The following ROBO2 variants were observed in gnomAD, a reference collection of about 807,000 sequenced individuals.
The protein encoded by ROBO2 is roundabout homolog 2.
Under a neutral mutation model 160.8 loss-of-function variants are expected in ROBO2, and 53 were observed. The ratio of observed to expected loss-of-function variants is 0.33; its 90% confidence interval spans 0.26 to 0.41. The LOEUF is 0.41. Among genes scored for constraint, ROBO2 ranks in the 10% least tolerant of loss-of-function variants. The pLI is 1.00. For missense variants in ROBO2, 1,577 were observed against 1,722.4 expected, an observed-to-expected ratio of 0.92 and a Z score of 1.49; for synonymous variants, 664 against 611.7, an observed-to-expected ratio of 1.09 and a Z score of -1.26.
At chr3:76,031,139 G>A (rs1321248558) in intron 2 of ROBO2, among the ~76,000 whole-genome samples, 2 of 152,076 alleles carry the variant, frequency 1.3e-5, no homozygotes, top group Admixed American at 1.3e-4. Context: ...GTTGTGAATG[G>A]GAGTTCCCTC....
At chr3:76,614,360 G>A (rs1330645292) in intron 2 of ROBO2, among the ~76,000 whole-genome samples, 1 of 152,020 alleles carries the variant, frequency 6.6e-6, no homozygotes, top group Non-Finnish European at 1.5e-5. Flanking sequence ...GATTTATGAT[G>A]CTAATAAAAG....
intron 2 of ROBO2, among the ~76,000 whole-genome samples, chr3:75,958,720 G>A: frequency 6.6e-6 from 1 of 151,552 alleles, no homozygotes; most frequent in Non-Finnish European, 1.5e-5. Context: ...AAGCAGAAAG[G>A]CAATGATATA....
At chr3:77,284,610 T>C (rs1010991237) in intron 2 of ROBO2, among the ~76,000 whole-genome samples, 5 of 152,074 alleles carry the variant, frequency 3.3e-5, no homozygotes, top group African/African-American at 1.2e-4. Flanking sequence ...ATAAAGTGGG[T>C]AGCATGGTTT....
intron 2 of ROBO2, among the ~76,000 whole-genome samples, chr3:76,574,311 T>C (rs1460229277): frequency 6.6e-6 from 1 of 152,058 alleles, no homozygotes; most frequent in Non-Finnish European, 1.5e-5. Flanking sequence ...GATAACCACA[T>C]AAATTTATAA....
intron 2 of ROBO2, among the ~76,000 whole-genome samples, chr3:77,448,620 C>T (rs963394089): frequency 1.3e-5 from 2 of 151,654 alleles, no homozygotes; most frequent in Admixed American, 6.6e-5. Flanking sequence ...TATTAGTCTG[C>T]GTACATTTCA....
intron 15 of ROBO2, 133 bp downstream of exon 16, chr3:77,577,747 G>A: frequency 8.8e-7 from 1 of 1,140,352 alleles, no homozygotes; most frequent in East Asian, 2.6e-5. Context: ...ATATTTCTGT[G>A]TGACAGAGAA....
At chr3:77,322,871 T>TA (rs1414385587) in intron 2 of ROBO2, among the ~76,000 whole-genome samples, 1 of 71,494 alleles carries the variant, frequency 1.4e-5, no homozygotes, top group African/African-American at 8.6e-5. Flanking sequence ...TTATAATATA[T>TA]TATGTAATAT....
At chr3:76,903,466 T>C (rs572452738) in intron 2 of ROBO2, among the ~76,000 whole-genome samples, 1 of 152,222 alleles carries the variant, frequency 6.6e-6, no homozygotes, top group African/African-American at 2.4e-5. Flanking sequence ...TTTGTTTTCA[T>C]TGATGATTCA....
At chr3:76,137,594 T>A (rs1159692234) in intron 2 of ROBO2, among the ~76,000 whole-genome samples, 1 of 151,832 alleles carries the variant, frequency 6.6e-6, no homozygotes, top group African/African-American at 2.4e-5. Flanking sequence ...ATTAAATGAC[T>A]GCCAACAATC....
chr3:77,194,980 G>A (rs1409674467), intron 2 of ROBO2, among the ~76,000 whole-genome samples: 1 of 151,922 alleles, frequency 6.6e-6, no homozygotes, highest in African/African-American at 2.4e-5. Context: ...TAATATAGGG[G>A]CAATGTAATT....
chr3:76,352,516 C>T (rs1421233687), intron 2 of ROBO2, among the ~76,000 whole-genome samples: 1 of 151,930 alleles, frequency 6.6e-6, no homozygotes, highest in Non-Finnish European at 1.5e-5. Flanking sequence ...TAAAATACTC[C>T]AGCCTGATGT....
intron 2 of ROBO2, among the ~76,000 whole-genome samples, chr3:76,217,173 T>C (rs6549847): frequency 6.6e-6 from 1 of 152,040 alleles, no homozygotes; most frequent in Admixed American, 6.6e-5. Flanking sequence ...AGTGTGTAGA[T>C]GGAAATTTGT....
chr3:77,021,830 C>T (rs1380367120), intron 2 of ROBO2, among the ~76,000 whole-genome samples: 1 of 152,178 alleles, frequency 6.6e-6, no homozygotes, highest in Non-Finnish European at 1.5e-5. Context: ...GTCTTGTGCA[C>T]TTGCTTGTCT....
intron 2 of ROBO2, among the ~76,000 whole-genome samples, chr3:77,291,245 T>C (rs867073081): frequency 5.3e-5 from 8 of 151,504 alleles, no homozygotes; most frequent in Middle Eastern, 3.5e-3. Flanking sequence ...TAAAGTAAAA[T>C]TGACGGTTAA....
rs114052975 is a variant in ROBO2 at position 77,128,289 on chromosome 3, C to T, written c.388+29949C>T. Among the ~76,000 whole-genome samples, 926 of 152,224 alleles carry T rather than the reference C, an allele frequency of 6.1e-3. 11 individuals are homozygous for T. Among genetic ancestry groups the T allele is most frequent in the African/African-American group, 0.021 (885 of 41,526 alleles). On this transcript the variant is annotated intron_variant, in intron 2 of 25. Coordinates refer to ENST00000461745, the Ensembl canonical transcript of ROBO2. ...CCTATATGAATGTAAACACAGTAGT[C>T]CTTTCCTCATTGCTTTCTAGGGGCG...
intron 2 of ROBO2, among the ~76,000 whole-genome samples, chr3:76,555,113 T>C (rs2108405092): frequency 6.6e-6 from 1 of 152,252 alleles, no homozygotes; most frequent in East Asian, 1.9e-4. Flanking sequence ...ATTAATTCTC[T>C]ATGAAATGGA....
intron 2 of ROBO2, among the ~76,000 whole-genome samples, chr3:76,783,379 A>G (rs1560553656): frequency 6.6e-6 from 1 of 150,384 alleles, no homozygotes; most frequent in Non-Finnish European, 1.5e-5. Flanking sequence ...CATGTTGCTA[A>G]TTAGCAACTC....
chr3:77,479,468 CAG>C (rs1181001388), intron 3 of ROBO2, among the ~76,000 whole-genome samples: 1 of 152,088 alleles, frequency 6.6e-6, no homozygotes, highest in Non-Finnish European at 1.5e-5. Context: ...AAAGGAATGT[CAG>C]AGAGACATTG....
chr3:76,766,897 T>G (rs2061604466), intron 2 of ROBO2, among the ~76,000 whole-genome samples: 1 of 151,550 alleles, frequency 6.6e-6, no homozygotes, highest in Admixed American at 6.6e-5. Flanking sequence ...ATTGACTTTC[T>G]GAATGACAAT....
Sources: gnomAD v4.1 joint callset for allele counts (sites outside exome capture counted in the v4.1 genomes callset) on GRCh38, gnomAD v4.1.1 for gene constraint, MANE v1.5 for transcripts, NCBI Gene and HGNC (gene_info 2026-07-23, HGNC 2026-07-21) for gene names.